The following CLPTM1 variants were observed in gnomAD, a reference collection of about 807,000 sequenced individuals.
The protein encoded by CLPTM1 is putative lipid scramblase CLPTM1.
Under a neutral mutation model 77.3 loss-of-function variants are expected in CLPTM1, and 21 were observed. The ratio of observed to expected loss-of-function variants is 0.27; its 90% confidence interval spans 0.19 to 0.39. The LOEUF is 0.39. Ranked by LOEUF, CLPTM1 falls within the 10% of genes least tolerant of loss-of-function variation. The probability of loss-of-function intolerance (pLI) is 1.00; values close to 1 mark genes in which losing one functional copy is unlikely to be tolerated. For synonymous variants in CLPTM1, 373 were observed against 381.0 expected, an observed-to-expected ratio of 0.98 and a Z score of 0.24; for missense variants, 642 against 921.2, an observed-to-expected ratio of 0.70 and a Z score of 3.92.
intron 5 of CLPTM1, among the ~76,000 whole-genome samples, chr19:44,981,830 A>G (rs1970901904): frequency 1.3e-5 from 2 of 151,296 alleles, no homozygotes; most frequent in Non-Finnish European, 2.9e-5. Flanking sequence ...AGGATCACCC[A>G]AGCCCAGGAG....
At chr19:44,969,888 A>G (rs1970691709) in intron 2 of CLPTM1, among the ~76,000 whole-genome samples, 1 of 149,134 alleles carries the variant, frequency 6.7e-6, no homozygotes, top group African/African-American at 2.6e-5. Context: ...GGGTTTCACC[A>G]TGTTGGCCAG....
intron 5 of CLPTM1, among the ~76,000 whole-genome samples, chr19:44,979,222 G>A (rs553581258): frequency 1.1e-4 from 17 of 152,142 alleles, no homozygotes; most frequent in African/African-American, 3.6e-4. Flanking sequence ...TCAAGTGATC[G>A]TCTGCCTCGG....
intron 8 of CLPTM1, chr19:44,987,649 T>C (rs928883982): frequency 2.5e-5 from 15 of 602,812 alleles, no homozygotes; most frequent in Non-Finnish European, 3.8e-5. Context: ...TTGGACCCTT[T>C]GGGTCCAGAC....
chr19:44,956,113 A>G (rs1341552543), intron 1 of CLPTM1, among the ~76,000 whole-genome samples: 1 of 152,168 alleles, frequency 6.6e-6, no homozygotes, highest in Non-Finnish European at 1.5e-5. Context: ...CTGTCTTAAC[A>G]CACTGCAGAG....
rs867667519 is a variant in CLPTM1 at position 44,977,296 on chromosome 19, T to C, written c.469-47T>C. The stretch of plus-strand genomic sequence containing the variant: ...GCCAGGCAGGGCTTTAACGTTTCCC[T>C]CACCCCAGTTGCCCAGCCTGCCCAC... On this transcript the variant is annotated intron_variant, in intron 4 of 13. Transcript: ENST00000337392. 9.9e-6 allele frequency: 14 copies of C among 1,409,674 alleles called. No individual in the cohort carries two copies. In the Middle Eastern group the frequency reaches 2.3e-3, roughly 229 times the overall value. 87.3% of individuals were successfully genotyped at this position (1,409,674 alleles called of 1,614,324 possible).
chr19:44,972,058 A>G (rs954828774), intron 2 of CLPTM1, among the ~76,000 whole-genome samples: 1 of 150,994 alleles, frequency 6.6e-6, no homozygotes, highest in African/African-American at 2.4e-5. Context: ...TTTAGTAGAG[A>G]CAGGGTTTCA....
chr19:44,977,654 A>G (rs1970826975), intron 5 of CLPTM1, among the ~76,000 whole-genome samples, 194 bp downstream of exon 5: 1 of 152,150 alleles, frequency 6.6e-6, no homozygotes, highest in Non-Finnish European at 1.5e-5. Context: ...AAGCAGGGAT[A>G]CCCACGGAGG....
chr19:44,954,681 A>G (rs1970428612), upstream of CLPTM1: 10 of 1,156,430 alleles, frequency 8.6e-6, no homozygotes, highest in South Asian at 7.1e-5. Context: ...GAGCCCGTGA[A>G]GCCTAGCCCA....
At chr19:44,987,981 C>T (rs1600045619) in intron 8 of CLPTM1, 99 bp from the exon 9 acceptor site, 1 of 867,180 alleles carries the variant, frequency 1.2e-6, no homozygotes, top group East Asian at 2.4e-5. Flanking sequence ...CCACCTTCAG[C>T]CTCCCTCTAC....
At position 44,992,832 on chromosome 19, in the gene CLPTM1, GC is replaced by G; in HGVS notation, c.1947del (p.Ser650AlafsTer108). ...CCTGCCCACCAAGCCCACCCAGGGG[GC>G]CAGCTCTGCCAGCGAGCCCCAGGAA... is the stretch of plus-strand genomic sequence containing the variant. ...TSLPTKPTQGASSASEPQEAP... is the reference protein window; with the variant it reads ...TSLPTKPTQGXSSASEPQEAP... On this transcript the variant is annotated frameshift_variant, in exon 14 of 14. Transcript: ENST00000337392. LOFTEE classifies it high-confidence loss of function. This position sits in a 1 kb window ranked among gnomAD's most constrained non-coding sequence, Gnocchi z 7.7. 6.2e-7 allele frequency: 1 copy of G among 1,613,668 alleles called. No homozygotes were observed. The highest frequency in any genetic ancestry group is 8.5e-7 in the Non-Finnish European group (1 of 1,179,874).
In CLPTM1 at chr19:44,993,207, G is replaced by A. The variant is rs148246176; in HGVS notation, c.*310G>A. On this transcript the variant is annotated 3_prime_UTR_variant, in exon 14 of 14. Transcript: ENST00000337392. ...GGGTGGGTTGGGCGGGGGTGGGGCC[G>A]GGCCCCCCTACGGGATGCCCACGGC... 102 of 561,688 alleles carry A rather than the reference G, an allele frequency of 1.8e-4. No individual in the cohort carries two copies. Among genetic ancestry groups the A allele is most frequent in the East Asian group, 1.3e-3 (33 of 24,630 alleles). 34.8% of individuals were successfully genotyped at this position (561,688 alleles called of 1,614,324 possible).
At chr19:44,982,451 G>A (rs1270770396) in intron 5 of CLPTM1, among the ~76,000 whole-genome samples, 2 of 152,156 alleles carry the variant, frequency 1.3e-5, no homozygotes, top group East Asian at 1.9e-4. Flanking sequence ...CAGCAACCCT[G>A]ATACTGGATG....
In CLPTM1 at chr19:44,973,206, T is replaced by A. The variant is rs779604950; in HGVS notation, c.305T>A (p.Leu102Ter). The A allele has an allele frequency of 6.2e-7, 1 of 1,613,980 alleles. No individual in the cohort carries two copies. The highest frequency in any genetic ancestry group is 8.5e-7 in the Non-Finnish European group (1 of 1,179,906). Residue 102 changes from leucine (L) to a stop codon, truncating the protein, a stop_gained, in exon 3 of 14, where the codon TTA becomes TAA. Coordinates refer to ENST00000337392, the MANE Select transcript of CLPTM1 (RefSeq NM_001294.4). LOFTEE classifies it high-confidence loss of function. ...CGCAACCTGTTCCCCAAAGACACTTTAATGGTAACTGCCGGGTGGTAGGGC... is the reference window on the plus strand; with the variant it reads ...CGCAACCTGTTCCCCAAAGACACTTAAATGGTAACTGCCGGGTGGTAGGGC... ...ASRNLFPKDT[L>*]MNLHVYISEH...
chr19:44,958,093 A>G (rs1970490807), intron 1 of CLPTM1, among the ~76,000 whole-genome samples: 1 of 152,196 alleles, frequency 6.6e-6, no homozygotes, highest in Non-Finnish European at 1.5e-5. Context: ...TTGCAATTAA[A>G]TAGGGTAGTC....
At chr19:44,982,407 G>A (rs1970912779) in intron 5 of CLPTM1, among the ~76,000 whole-genome samples, 1 of 152,038 alleles carries the variant, frequency 6.6e-6, no homozygotes, top group East Asian at 1.9e-4. Context: ...GTTTGGACCA[G>A]CCATATTTGC....
intron 6 of CLPTM1, among the ~76,000 whole-genome samples, chr19:44,985,550 A>G (rs1468976764): frequency 1.3e-5 from 2 of 152,172 alleles, no homozygotes; most frequent in Non-Finnish European, 2.9e-5. Context: ...GGAGGGGTCT[A>G]CATCACAGTC....
chr19:44,969,712 G>C (rs1209431729), intron 2 of CLPTM1, among the ~76,000 whole-genome samples: 2 of 147,104 alleles, frequency 1.4e-5, no homozygotes, highest in Non-Finnish European at 3.0e-5. Context: ...TTTTGAGATG[G>C]AGTCTTACTC....
chr19:44,992,014 A>G lies in CLPTM1; in HGVS notation c.1556-219A>G, dbSNP rs1971083991. On this transcript the variant is annotated intron_variant, in intron 12 of 13. Transcript: ENST00000337392. The surrounding 1 kb of genome is among the most constrained non-coding windows in gnomAD (Gnocchi z 7.7). The stretch of plus-strand genomic sequence containing the variant: ...CCGGGGGCCCCTCTGAGGACAGGAC[A>G]TTTAAACAGAGGCCTCAGATATCCA... Among the ~76,000 whole-genome samples, 1 of 152,154 alleles carries G rather than the reference A, an allele frequency of 6.6e-6. No individual in the cohort carries two copies. Among genetic ancestry groups the G allele is most frequent in the African/African-American group, 2.4e-5 (1 of 41,412 alleles).
At chr19:44,971,906 C>G (rs1452441362) in intron 2 of CLPTM1, among the ~76,000 whole-genome samples, 2 of 128,258 alleles carry the variant, frequency 1.6e-5, no homozygotes, top group Non-Finnish European at 3.2e-5. Context: ...GAGTCTCACT[C>G]TGTTGCAAGG....
Sources: allele counts gnomAD v4.1 joint callset (sites outside exome capture counted in the v4.1 genomes callset), GRCh38; gene constraint gnomAD v4.1.1; non-coding constraint Gnocchi (gnomAD v3.1); transcripts MANE v1.5; gene names NCBI Gene and HGNC (gene_info 2026-07-23, HGNC 2026-07-21).